TTLL1: variants seen among roughly 807,000 people sequenced by gnomAD.
TTLL1 encodes polyglutamylase complex subunit TTLL1.
Under a neutral mutation model 47.8 loss-of-function variants are expected in TTLL1, and 33 were observed. The observed-to-expected ratio is 0.69, with a 90% CI of 0.52 to 0.92. TTLL1 has a LOEUF of 0.92. TTLL1 is among the 40% of genes least tolerant of loss of function. TTLL1 has a pLI of 0.00. For synonymous variants in TTLL1, 225 were observed against 214.1 expected (o/e 1.05, Z -0.45); for missense variants, 488 against 547.5 (o/e 0.89, Z 1.08).
At chr22:43,041,532 C>CTTTTTTT (rs112180579) in intron 10 of TTLL1, among the ~76,000 whole-genome samples, 25,073 of 140,084 alleles carry the variant, frequency 0.18, 4,012 homozygotes, top group East Asian at 0.42. Context: ...TTTCTGATTC[C>CTTTTTTT]TTTTTTTTTT....
chr22:43,072,268 C>G (rs1928180634), intron 3 of TTLL1, among the ~76,000 whole-genome samples: 1 of 150,674 alleles, frequency 6.6e-6, no homozygotes, highest in Non-Finnish European at 1.5e-5. Flanking sequence ...ATTCTCCTGT[C>G]TCAGCCTCCC....
At chr22:43,058,995 T>G (rs1024114883) in intron 8 of TTLL1, among the ~76,000 whole-genome samples, 7 of 138,458 alleles carry the variant, frequency 5.1e-5, no homozygotes, top group African/African-American at 1.4e-4. Flanking sequence ...GCCCAGCCTG[T>G]TTTTTGTTTT....
rs1480219499 is a variant in TTLL1, at chr22:43,075,609, T to C, written c.-4-19A>G. ...CATAATCCTGGAAGAGATCAAAATATTAGAGATATGAAACTTCAACAGCTC... is the reference window on the plus strand; with the variant it reads ...CATAATCCTGGAAGAGATCAAAATACTAGAGATATGAAACTTCAACAGCTC... On this transcript the variant is annotated intron_variant, in intron 2 of 10. Coordinates refer to ENST00000266254, the MANE Select transcript of TTLL1 (RefSeq NM_012263.5). 6.2e-7 allele frequency: 1 copy of C among 1,607,256 alleles called. No homozygotes were observed. Among genetic ancestry groups the C allele is most frequent in the African/African-American group, 1.3e-5 (1 of 74,774 alleles).
chr22:43,068,310 C>G, intron 5 of TTLL1, 100 bp downstream of exon 5: 11 of 1,093,892 alleles, frequency 1.0e-5, no homozygotes, highest in South Asian at 7.7e-5. Context: ...GAGTGAGACT[C>G]TGTCAAAAAA....
chr22:43,051,691 C>A, intron 9 of TTLL1, 110 bp downstream of exon 9: 3 of 1,017,150 alleles, frequency 2.9e-6, no homozygotes, highest in Non-Finnish European at 4.7e-6. Flanking sequence ...CCCCTTCCTG[C>A]CTGGCCTGAG....
chr22:43,079,439 C>T (rs1928739130), intron 2 of TTLL1, among the ~76,000 whole-genome samples: 1 of 152,242 alleles, frequency 6.6e-6, no homozygotes, highest in Non-Finnish European at 1.5e-5. Flanking sequence ...CACCCGCAGA[C>T]ACGGGGCCAC....
chr22:43,046,143 C>A (rs1926109505), intron 10 of TTLL1, among the ~76,000 whole-genome samples: 1 of 152,160 alleles, frequency 6.6e-6, no homozygotes, highest in Admixed American at 6.6e-5. Context: ...ACTGCTTGAA[C>A]CCAGGAGGCG....
chr22:43,087,919 G>A (rs1197652632), intron 1 of TTLL1, among the ~76,000 whole-genome samples: 1 of 150,948 alleles, frequency 6.6e-6, no homozygotes, highest in Non-Finnish European at 1.5e-5. Context: ...AGGCCGAGGT[G>A]GGCGGATCAC....
At chr22:43,050,486 C>CCA (rs1926534511) in intron 9 of TTLL1, among the ~76,000 whole-genome samples, 1 of 149,280 alleles carries the variant, frequency 6.7e-6, no homozygotes, top group African/African-American at 2.5e-5. Flanking sequence ...GGAGAGACTT[C>CCA]CATTCAAGTC....
chr22:43,066,383 G>C (rs1441223462), intron 5 of TTLL1, among the ~76,000 whole-genome samples: 1 of 151,926 alleles, frequency 6.6e-6, no homozygotes, highest in African/African-American at 2.4e-5. Context: ...TCCACTCAGG[G>C]AAATGCTCCT....
chr22:43,046,418 G>A lies in TTLL1; in HGVS notation c.1134C>T (p.Tyr378=), dbSNP rs917150654. 2.5e-6 allele frequency: 4 copies of A among 1,614,002 alleles called. No homozygotes were observed. Among genetic ancestry groups the A allele is most frequent in the Non-Finnish European group, 2.5e-6 (3 of 1,179,986 alleles). ...GTCACACACACACTTACAGAATCTC[G>A]TAATTGCCGAGGACTTCCTTAGGTG... ...KSPPKEVLGN[Y]EILYDEELAQ... The change falls in exon 10 of 11, where the codon TAC becomes TAT. Residue 378 remains tyrosine, a synonymous_variant. Coordinates refer to ENST00000266254, the MANE Select transcript of TTLL1 (RefSeq NM_012263.5).
rs145944348 is a variant in TTLL1 at position 43,081,986 on chromosome 22, G to A, written c.-89-2000C>T. Among the ~76,000 whole-genome samples the A allele has an allele frequency of 5.0e-3, 756 of 150,996 alleles. 3 individuals are homozygous for A. Among genetic ancestry groups the A allele is most frequent in the Middle Eastern group, 0.017 (5 of 290 alleles). ...CCTGCCTCAGCCTCCCAAGTGGCTG[G>A]GATTACAGGTACATGCCCCCGCGCC... On this transcript the variant is annotated intron_variant, in intron 1 of 10. Coordinates refer to ENST00000266254, the MANE Select transcript of TTLL1 (RefSeq NM_012263.5).
intron 9 of TTLL1, among the ~76,000 whole-genome samples, chr22:43,049,252 G>A (rs1320318458): frequency 1.3e-5 from 2 of 152,054 alleles, no homozygotes; most frequent in African/African-American, 4.8e-5. Context: ...TGCTGGGCAT[G>A]GTGGCTCATG....
intron 8 of TTLL1, chr22:43,052,114 G>A (rs1926678129): frequency 1.9e-6 from 1 of 534,282 alleles, no homozygotes. Flanking sequence ...GCCGTAATGG[G>A]CATCTCTGCG....
chr22:43,057,435 G>A (rs1031588942), intron 8 of TTLL1, among the ~76,000 whole-genome samples: 10 of 152,244 alleles, frequency 6.6e-5, no homozygotes, highest in African/African-American at 2.2e-4. Flanking sequence ...TGACTGTGGA[G>A]GGAAGCTCTT....
intron 3 of TTLL1, 66 bp from the exon 4 acceptor site, chr22:43,069,910 G>A (rs538838020): frequency 1.8e-4 from 278 of 1,578,528 alleles, no homozygotes; most frequent in South Asian, 1.8e-3. Flanking sequence ...CTTTGTTCCC[G>A]TCCCCGCAAA....
At chr22:43,089,041 A>G (rs1359700784) in intron 1 of TTLL1, among the ~76,000 whole-genome samples, 1 of 152,222 alleles carries the variant, frequency 6.6e-6, no homozygotes, top group Non-Finnish European at 1.5e-5. Flanking sequence ...TAATGATGCA[A>G]TTGCAACAGT....
chr22:43,044,920 T>C (rs1206989389), intron 10 of TTLL1, among the ~76,000 whole-genome samples: 2 of 151,338 alleles, frequency 1.3e-5, no homozygotes, highest in East Asian at 1.9e-4. Flanking sequence ...TGGAGTGCAG[T>C]GGTGCAATTT....
At chr22:43,062,121 T>C (rs1165568057) in intron 7 of TTLL1, among the ~76,000 whole-genome samples, 1 of 152,168 alleles carries the variant, frequency 6.6e-6, no homozygotes, top group Non-Finnish European at 1.5e-5. Context: ...CTCACATAGG[T>C]ACTCAATGGG....
Sources: allele counts gnomAD v4.1 joint callset (sites outside exome capture counted in the v4.1 genomes callset), GRCh38; gene constraint gnomAD v4.1.1; transcripts MANE v1.5; gene names NCBI Gene and HGNC (gene_info 2026-07-23, HGNC 2026-07-21).